BLK: variants seen among roughly 807,000 people sequenced by gnomAD.
BLK encodes tyrosine-protein kinase Blk.
In BLK, 64 loss-of-function variants were observed where a neutral mutation model predicts 61.8. The ratio of observed to expected loss-of-function variants is 1.03; its 90% CI spans 0.85 to 1.27. The LOEUF (loss-of-function observed/expected upper bound fraction) is 1.27, where lower values mean the gene tolerates loss of function less well. BLK is among the 50% of genes most tolerant of loss of function. The pLI is 0.00. For synonymous variants in BLK, 351 were observed against 272.0 expected, an observed-to-expected ratio of 1.29 and a Z score of -2.86; for missense variants, 853 against 660.5, an observed-to-expected ratio of 1.29 and a Z score of -3.19.
intron 1 of BLK, among the ~76,000 whole-genome samples, chr8:11,535,032 G>T (rs1162141145): frequency 6.6e-6 from 1 of 151,952 alleles, no homozygotes; most frequent in Non-Finnish European, 1.5e-5. Context: ...TAAAAAATTA[G>T]CCAGGCATGG....
chr8:11,542,539 G>A (rs576257287), intron 1 of BLK, among the ~76,000 whole-genome samples: 4 of 152,310 alleles, frequency 2.6e-5, no homozygotes, highest in African/African-American at 9.6e-5. Context: ...CTGGAATGAG[G>A]ATGGTGACAA....
At chr8:11,553,741 A>G (rs1197044353) in intron 6 of BLK, among the ~76,000 whole-genome samples, 1 of 152,160 alleles carries the variant, frequency 6.6e-6, no homozygotes, top group Non-Finnish European at 1.5e-5. Context: ...CTGTGGCAAC[A>G]GCATGGCGTA....
chr8:11,537,673 C>T (rs1055068173), intron 1 of BLK, among the ~76,000 whole-genome samples: 8 of 152,288 alleles, frequency 5.3e-5, no homozygotes, highest in South Asian at 2.1e-4. Context: ...CACCTCGCCT[C>T]GCCTTCTTCA....
chr8:11,554,216 A>G (rs1249965957), intron 6 of BLK: 2 of 167,096 alleles, frequency 1.2e-5, no homozygotes, highest in Non-Finnish European at 2.6e-5. Context: ...AGAAGACAAA[A>G]TAACAGGTGT....
chr8:11,532,025 G>C (rs1799905892), intron 1 of BLK, among the ~76,000 whole-genome samples: 1 of 151,818 alleles, frequency 6.6e-6, no homozygotes, highest in East Asian at 1.9e-4. Flanking sequence ...AACCCAGCTA[G>C]TTTTTGCATT....
At chr8:11,563,855 C>A in intron 12 of BLK, 48 bp from the exon 13 acceptor site, 9 of 1,554,938 alleles carry the variant, frequency 5.8e-6, no homozygotes, top group Non-Finnish European at 7.8e-6. Flanking sequence ...CCCCCACCCA[C>A]CGAGGACCCC....
At chr8:11,495,377 C>T (rs1798326174) in intron 1 of BLK, among the ~76,000 whole-genome samples, 2 of 152,132 alleles carry the variant, frequency 1.3e-5, no homozygotes, top group South Asian at 2.1e-4. Context: ...GGACTTAATT[C>T]CCCTCACCTT....
At chr8:11,560,725 G>A (rs1382254156) in intron 10 of BLK, 4 of 397,042 alleles carry the variant, frequency 1.0e-5, no homozygotes, top group South Asian at 7.3e-5. Flanking sequence ...CACGGGGCAG[G>A]CGCTGGGTGA....
chr8:11,561,826 AT>A (rs71203399), intron 11 of BLK, among the ~76,000 whole-genome samples: 3,384 of 146,076 alleles, frequency 0.023, 67 homozygotes, highest in African/African-American at 0.06. Context: ...TCCAAATACT[AT>A]TTTTTTTTTT....
intron 1 of BLK, among the ~76,000 whole-genome samples, chr8:11,524,184 A>C (rs1160697887): frequency 6.6e-6 from 1 of 152,186 alleles, no homozygotes; most frequent in African/African-American, 2.4e-5. Flanking sequence ...TCAAAATTAC[A>C]TTTATTTATA....
chr8:11,549,015 T>A lies in BLK; in HGVS notation c.270-9T>A, dbSNP rs762532228. ...ATGATCTCATCTCTGTTTCCCCTGC[T>A]CCCATTAGAACTGGAGACTGGTGGC... is the stretch of plus-strand genomic sequence containing the variant. On this transcript the variant is annotated splice_polypyrimidine_tract_variant and intron_variant, in intron 4 of 12. Transcript: ENST00000259089. 6 of 1,602,538 alleles carry A rather than the reference T, an allele frequency of 3.7e-6. No homozygotes were observed. The South Asian group carries it at 6.8e-5, about 18-fold the overall frequency.
chr8:11,529,275 T>C (rs1799794377), intron 1 of BLK, among the ~76,000 whole-genome samples: 2 of 152,192 alleles, frequency 1.3e-5, no homozygotes. Flanking sequence ...ACCGGAGTCT[T>C]ATTATTACTC....
intron 1 of BLK, among the ~76,000 whole-genome samples, chr8:11,505,753 C>A (rs544287239): frequency 6.6e-6 from 1 of 152,178 alleles, no homozygotes; most frequent in East Asian, 1.9e-4. Context: ...GGCCAAGTCT[C>A]CCATTGAGGC....
intron 1 of BLK, among the ~76,000 whole-genome samples, chr8:11,518,192 C>G (rs1799303095): frequency 6.6e-6 from 1 of 152,198 alleles, no homozygotes; most frequent in Non-Finnish European, 1.5e-5. Flanking sequence ...GTGGCCTTGG[C>G]TTGGCGGTCT....
chr8:11,556,970 GAC>G, intron 9 of BLK, 133 bp downstream of exon 9: 1 of 648,238 alleles, frequency 1.5e-6, no homozygotes, highest in African/African-American at 1.9e-5. Flanking sequence ...ACGGTGTGGG[GAC>G]AGGGAGGGAT....
intron 1 of BLK, among the ~76,000 whole-genome samples, chr8:11,518,452 T>A (rs945958471): frequency 6.6e-6 from 1 of 152,140 alleles, no homozygotes; most frequent in Non-Finnish European, 1.5e-5. Context: ...AAGATTTTAA[T>A]CTTTGGGAGG....
At chr8:11,517,544 C>G (rs1308698306) in intron 1 of BLK, among the ~76,000 whole-genome samples, 1 of 152,206 alleles carries the variant, frequency 6.6e-6, no homozygotes. Flanking sequence ...GTTCCCAGAG[C>G]CCTTGCTGTA....
intron 1 of BLK, among the ~76,000 whole-genome samples, chr8:11,518,974 G>C (rs982227240): frequency 5.3e-5 from 8 of 151,930 alleles, no homozygotes; most frequent in African/African-American, 1.9e-4. Context: ...AATACCCCTG[G>C]GCCTGTGCGA....
At chr8:11,525,811 C>T (rs1337991590) in intron 1 of BLK, among the ~76,000 whole-genome samples, 2 of 152,114 alleles carry the variant, frequency 1.3e-5, no homozygotes, top group Non-Finnish European at 2.9e-5. Context: ...GTGGCATGAT[C>T]TCGGCTCACT....
Sources: allele counts gnomAD v4.1 joint callset (sites outside exome capture counted in the v4.1 genomes callset), GRCh38; gene constraint gnomAD v4.1.1; transcripts MANE v1.5; gene names NCBI Gene and HGNC (gene_info 2026-07-23, HGNC 2026-07-21).